Variants in PTPRD observed in about 807,000 individuals in gnomAD.
The protein encoded by PTPRD is receptor-type tyrosine-protein phosphatase delta.
Under a neutral mutation model 214.5 loss-of-function variants are expected in PTPRD, and 34 were observed. The ratio of observed to expected loss-of-function variants is 0.16; its 90% confidence interval spans 0.12 to 0.21. The LOEUF (loss-of-function observed/expected upper bound fraction) is 0.21. Ranked by LOEUF, PTPRD falls within the 10% of genes least tolerant of loss-of-function variation. The pLI is 1.00. For synonymous variants in PTPRD, 1,128 were observed against 845.7 expected, an observed-to-expected ratio of 1.33 and a Z score of -5.79; for missense variants, 2,545 against 2,398.7, an observed-to-expected ratio of 1.06 and a Z score of -1.27.
intron 9 of PTPRD, among the ~76,000 whole-genome samples, chr9:9,390,059 G>A (rs1381517348): frequency 1.3e-5 from 2 of 152,178 alleles, no homozygotes; most frequent in African/African-American, 2.4e-5. Flanking sequence ...GAGACTTCAA[G>A]GTTGCTAGGG....
At chr9:9,278,146 G>C (rs910275635) in intron 9 of PTPRD, among the ~76,000 whole-genome samples, 1 of 151,266 alleles carries the variant, frequency 6.6e-6, no homozygotes, top group Non-Finnish European at 1.5e-5. Flanking sequence ...TAATAAACAA[G>C]TAGTAACCAA....
intron 3 of PTPRD, among the ~76,000 whole-genome samples, chr9:10,121,684 T>C (rs1390204262): frequency 6.6e-6 from 1 of 152,336 alleles, no homozygotes; most frequent in East Asian, 1.9e-4. Flanking sequence ...CATACAATAG[T>C]TCAAAGTAGG....
intron 10 of PTPRD, among the ~76,000 whole-genome samples, chr9:9,084,689 GT>G (rs1335940840): frequency 6.6e-6 from 1 of 151,960 alleles, no homozygotes; most frequent in African/African-American, 2.4e-5. Flanking sequence ...AACAATGGTA[GT>G]AAAAATATAC....
intron 10 of PTPRD, among the ~76,000 whole-genome samples, chr9:9,024,983 C>T (rs1210184593): frequency 2.0e-5 from 3 of 151,810 alleles, no homozygotes; most frequent in Non-Finnish European, 4.4e-5. Context: ...AAGTTTTATG[C>T]TTCATTTTTA....
chr9:8,316,764 A>AATC lies in PTPRD; in HGVS notation c.*1107_*1109dup, dbSNP rs1292321025. 2.6e-5 allele frequency: 6 copies of AATC among 231,376 alleles called. No individual in the cohort carries two copies. The highest frequency in any genetic ancestry group is 8.9e-5 in the African/African-American group (4 of 45,068). The allele number at this position is 231,376 out of a possible 1,614,324, so 14.3% of individuals were successfully genotyped here. ...AGGAAATCAGGGGGTGAGGTTTGACAATCAATCACTGATGTGCATTCCTCA... is the reference window on the plus strand; with the variant it reads ...AGGAAATCAGGGGGTGAGGTTTGACAATCATCAATCACTGATGTGCATTCCTCA... On this transcript the variant is annotated 3_prime_UTR_variant, in exon 46 of 46. Transcript: ENST00000381196.
At chr9:10,391,518 T>C (rs141512394) in intron 2 of PTPRD, among the ~76,000 whole-genome samples, 156 of 151,928 alleles carry the variant, frequency 1.0e-3, no homozygotes, top group Non-Finnish European at 1.9e-3. Flanking sequence ...AAGCTGCTTA[T>C]TTTTCTTATA....
intron 6 of PTPRD, among the ~76,000 whole-genome samples, chr9:9,750,426 T>C (rs1467802857): frequency 1.3e-5 from 2 of 152,170 alleles, no homozygotes; most frequent in Non-Finnish European, 2.9e-5. Context: ...ATGATGCCTC[T>C]ACCCCACATT....
At chr9:9,896,852 A>G (rs1566092428) in intron 5 of PTPRD, among the ~76,000 whole-genome samples, 3 of 152,108 alleles carry the variant, frequency 2.0e-5, no homozygotes, top group Non-Finnish European at 4.4e-5. Context: ...TTTAAATAAC[A>G]TATTAGAAAA....
intron 2 of PTPRD, among the ~76,000 whole-genome samples, chr9:10,562,222 A>C (rs956163552): frequency 6.6e-6 from 1 of 151,992 alleles, no homozygotes; most frequent in African/African-American, 2.4e-5. Flanking sequence ...CTTTTTACCT[A>C]TGTACTATGA....
At chr9:8,835,204 G>C (rs967925640) in intron 11 of PTPRD, among the ~76,000 whole-genome samples, 2 of 152,328 alleles carry the variant, frequency 1.3e-5, no homozygotes, top group Admixed American at 6.5e-5. Context: ...CTGAGTTTAT[G>C]GGTACCAGCT....
At chr9:10,229,195 G>A (rs1224159069) in intron 3 of PTPRD, among the ~76,000 whole-genome samples, 2 of 151,994 alleles carry the variant, frequency 1.3e-5, no homozygotes, top group Non-Finnish European at 2.9e-5. Context: ...TAAAAAATCA[G>A]GAAACAACAG....
chr9:9,562,989 A>G (rs1364329813), intron 8 of PTPRD, among the ~76,000 whole-genome samples: 1 of 152,194 alleles, frequency 6.6e-6, no homozygotes, highest in Admixed American at 6.5e-5. Flanking sequence ...GCTGCTCACC[A>G]AATATTTATT....
rs148665184 is a variant in PTPRD at position 9,566,007 on chromosome 9, A to G, written c.-237+8725T>C. Among the ~76,000 whole-genome samples, 26 of 152,124 alleles carry G rather than the reference A, an allele frequency of 1.7e-4. No individual in the cohort carries two copies. In the East Asian group the frequency reaches 5.0e-3, roughly 29 times the overall value. On this transcript the variant is annotated intron_variant, in intron 8 of 45. Coordinates refer to ENST00000381196, the MANE Select transcript of PTPRD (RefSeq NM_002839.4). ...ATAAATATGCTATGAAGGACACAAG[A>G]TGAATCATTTATTGGCTGCCTCCTC...
At chr9:10,564,248 A>T (rs1224863139) in intron 2 of PTPRD, among the ~76,000 whole-genome samples, 1 of 121,908 alleles carries the variant, frequency 8.2e-6, no homozygotes, top group Non-Finnish European at 1.6e-5. Flanking sequence ...TTCCTGGGCT[A>T]AAGTGATCCT....
intron 2 of PTPRD, among the ~76,000 whole-genome samples, chr9:10,361,898 T>C (rs1406992559): frequency 6.6e-6 from 1 of 152,106 alleles, no homozygotes; most frequent in East Asian, 1.9e-4. Flanking sequence ...TCAGAGCAAA[T>C]TAGATGGGCA....
chr9:10,149,733 CT>C (rs1368624726), intron 3 of PTPRD, among the ~76,000 whole-genome samples: 3,589 of 142,298 alleles, frequency 0.025, 87 homozygotes, highest in African/African-American at 0.068. Context: ...CTTTTTTTTT[CT>C]TTTTTTTTTT....
intron 11 of PTPRD, among the ~76,000 whole-genome samples, chr9:8,978,736 G>C (rs2099284801): frequency 6.6e-6 from 1 of 152,092 alleles, no homozygotes. Context: ...AGAGACACAA[G>C]GAACAATGGA....
At chr9:10,267,733 A>C (rs2094161142) in intron 3 of PTPRD, among the ~76,000 whole-genome samples, 1 of 152,292 alleles carries the variant, frequency 6.6e-6, no homozygotes, top group East Asian at 1.9e-4. Context: ...ATGCACAAAA[A>C]TGTTCATTAA....
intron 12 of PTPRD, among the ~76,000 whole-genome samples, chr9:8,704,758 C>T (rs867932859): frequency 1.5e-5 from 2 of 137,880 alleles, no homozygotes; most frequent in Non-Finnish European, 3.1e-5. Context: ...ACTAAAAATA[C>T]AAAAAAAAAA....
Sources: gnomAD v4.1 joint callset for allele counts (sites outside exome capture counted in the v4.1 genomes callset) on GRCh38, gnomAD v4.1.1 for gene constraint, MANE v1.5 for transcripts, NCBI Gene and HGNC (gene_info 2026-07-23, HGNC 2026-07-21) for gene names.